Variants in LIMS2 observed in about 807,000 individuals in gnomAD.
The protein encoded by LIMS2 is LIM zinc finger domain containing 2.
LIMS2 carries 30 observed loss-of-function variants against 45.3 expected under a neutral mutation model. The ratio of observed to expected loss-of-function variants is 0.66; its 90% CI spans 0.50 to 0.90. LIMS2 has a LOEUF of 0.90. LIMS2 is among the 40% of genes least tolerant of loss of function. The probability of loss-of-function intolerance (pLI) is 0.00; values close to 1 mark genes in which losing one functional copy is unlikely to be tolerated. For missense variants in LIMS2, 485 were observed against 468.7 expected (o/e 1.03, Z -0.32); for synonymous variants, 173 against 188.0 (o/e 0.92, Z 0.65).
chr2:127,642,705 C>A lies in LIMS2; in HGVS notation c.509+218G>T, dbSNP rs999634579. On this transcript the variant is annotated intron_variant, in intron 5 of 9. Transcript: ENST00000355119. This position sits in a 1 kb window ranked among gnomAD's most constrained non-coding sequence, Gnocchi z 5.3. ...CCGCCTCCTGAGTCTCAAGTGCCCC[C>A]CAAACAGAGCCCTGGAGAGAGAAGC... 1 of 582,196 alleles carries A rather than the reference C, an allele frequency of 1.7e-6. No individual in the cohort carries two copies. Among genetic ancestry groups the A allele is most frequent in the Non-Finnish European group, 3.0e-6 (1 of 332,158 alleles). The allele number at this position is 582,196 out of a possible 1,614,324, so 36.1% of individuals were successfully genotyped here.
intron 4 of LIMS2, chr2:127,652,034 A>C (rs1573801744): frequency 2.2e-6 from 1 of 463,622 alleles, no homozygotes; most frequent in Non-Finnish European, 4.0e-6. Context: ...CGGAAGAACA[A>C]CCCCTGAACA....
intron 4 of LIMS2, chr2:127,643,679 T>G (rs1682663120): frequency 2.3e-6 from 1 of 442,200 alleles, no homozygotes; most frequent in African/African-American, 2.0e-5. Context: ...ACGACAGCTG[T>G]GTTCTCAACG....
chr2:127,640,301 G>A lies in LIMS2; in HGVS notation c.771C>T (p.Cys257=), dbSNP rs1253068911. 1 of 1,613,016 alleles carries A rather than the reference G, an allele frequency of 6.2e-7. No homozygotes were observed. The highest frequency in any genetic ancestry group is 2.2e-5 in the East Asian group (1 of 44,882). The change falls in exon 8 of 10, where the codon TGC becomes TGT. Residue 257 remains cysteine (C), a synonymous_variant. Transcript: ENST00000355119. ...CTTCAATCACATGGCTGCAGTTGTA[G>A]CAGACGTCCCCGAAGAGCTGTGGGC... ...THYNQLFGDV[C]YNCSHVIEGD... is the part of the protein sequence containing the mutation.
chr2:127,649,092 A>AAAAAAAG (rs1683378613), intron 4 of LIMS2, among the ~76,000 whole-genome samples: 1 of 143,288 alleles, frequency 7.0e-6, no homozygotes, highest in Non-Finnish European at 1.6e-5. Context: ...AGAAAAAAAG[A>AAAAAAAG]AAAAAGAAAA....
rs1683064803 is a variant in LIMS2 at position 127,647,030 on chromosome 2, G to A, written c.360-3958C>T. Among the ~76,000 whole-genome samples the A allele has an allele frequency of 6.6e-6, 1 of 152,122 alleles. No individual in the cohort carries two copies. Among genetic ancestry groups the A allele is most frequent in the Non-Finnish European group, 1.5e-5 (1 of 68,022 alleles). ...ACGCCCTTCGGCCCGGGCAGGAAGT[G>A]GAGGGCAGTGCCCAGGCTGAGGCCC... is the stretch of plus-strand genomic sequence containing the variant. On this transcript the variant is annotated intron_variant, in intron 4 of 9. Transcript: ENST00000355119. This position sits in a 1 kb window ranked among gnomAD's most constrained non-coding sequence, Gnocchi z 4.3.
chr2:127,643,618 G>A, intron 4 of LIMS2: 2 of 456,450 alleles, frequency 4.4e-6, no homozygotes, highest in Middle Eastern at 3.3e-4. Context: ...TCACTACAGA[G>A]TCTTTTTGTG....
chr2:127,673,164 G>T (rs1014663274), intron 1 of LIMS2, among the ~76,000 whole-genome samples: 1 of 152,190 alleles, frequency 6.6e-6, no homozygotes, highest in East Asian at 1.9e-4. Flanking sequence ...GAAGGAGCGG[G>T]TGCATTACAC....
chr2:127,664,496 G>C lies in LIMS2; in HGVS notation c.12-6934C>G. Reference sequence around the variant, plus strand: ...CCGCCTGGGGCCAGACACCAAGACGGGACGGGCGTGTGGGCGCCTCCCCCG... The same window carrying C: ...CCGCCTGGGGCCAGACACCAAGACGCGACGGGCGTGTGGGCGCCTCCCCCG... On this transcript the variant is annotated intron_variant, in intron 1 of 9. Transcript: ENST00000355119. This position sits in a 1 kb window ranked among gnomAD's most constrained non-coding sequence, Gnocchi z 5.5. The C allele has an allele frequency of 8.6e-7, 1 of 1,162,272 alleles. No individual in the cohort carries two copies. Among genetic ancestry groups the C allele is most frequent in the Non-Finnish European group, 1.1e-6 (1 of 943,584 alleles). 72.0% of individuals were successfully genotyped at this position (1,162,272 alleles called of 1,614,324 possible). A position where few individuals can be genotyped will look rare whatever the true frequency, so the allele number is the denominator to read the frequency against.
At chr2:127,639,553 C>G (rs1006810074) in intron 9 of LIMS2, 125 bp from the exon 10 acceptor site, 5 of 1,216,522 alleles carry the variant, frequency 4.1e-6, no homozygotes, top group African/African-American at 1.5e-5. Context: ...AGCCAGCAGG[C>G]CAGGCCCTAG....
At chr2:127,665,128 A>G (rs1018708357) in intron 1 of LIMS2, among the ~76,000 whole-genome samples, 4 of 152,266 alleles carry the variant, frequency 2.6e-5, no homozygotes, top group South Asian at 2.1e-4. Context: ...GTTACTTGTG[A>G]TTCATAAACA....
intron 1 of LIMS2, among the ~76,000 whole-genome samples, chr2:127,658,667 C>T (rs772364525): frequency 7.9e-5 from 12 of 152,222 alleles, no homozygotes; most frequent in South Asian, 2.1e-4. Flanking sequence ...ACTGCCTCTA[C>T]GACCTTCAAA....
intron 1 of LIMS2, among the ~76,000 whole-genome samples, chr2:127,668,697 A>AAAC (rs1685141941): frequency 2.3e-5 from 2 of 85,764 alleles, no homozygotes; most frequent in Non-Finnish European, 5.2e-5. Flanking sequence ...AAAAAAAAAA[A>AAAC]AAAAAAAAAA....
Position 127,638,952 on chromosome 2 carries a change from G to T in LIMS2, c.*329C>A. 1 of 315,398 alleles carries T rather than the reference G, an allele frequency of 3.2e-6. No homozygotes were observed. The highest frequency in any genetic ancestry group is 4.7e-5 in the Admixed American group (1 of 21,380). The allele number at this position is 315,398 out of a possible 1,614,324, so 19.5% of individuals were successfully genotyped here. A position where few individuals can be genotyped will look rare whatever the true frequency, so the allele number is the denominator to read the frequency against. ...CCACTGAGCCGCCTGGGGAGGGCCA[G>T]GCCAGGCGGGGAGCTGTGGTGCAAT... On this transcript the variant is annotated 3_prime_UTR_variant, in exon 10 of 10. Transcript: ENST00000355119.
At chr2:127,649,947 A>C (rs1186596539) in intron 4 of LIMS2, 132 of 1,351,348 alleles carry the variant, frequency 9.8e-5, no homozygotes, top group Non-Finnish European at 1.3e-4. Context: ...GAGAGAAAAT[A>C]CTCCCAGCTG....
intron 2 of LIMS2, 125 bp downstream of exon 2, chr2:127,657,278 G>T: frequency 9.0e-7 from 1 of 1,110,870 alleles, no homozygotes; most frequent in Non-Finnish European, 1.3e-6. Flanking sequence ...GCTCAAGCCT[G>T]GTTCTGGGCT....
rs752066748 is a variant in LIMS2 at position 127,639,337 on chromosome 2, A to ACAGCTTCTTCAG, written c.958_969dup (p.Leu320_Leu323dup). On this transcript the variant is annotated inframe_insertion, in exon 10 of 10. Transcript: ENST00000355119. Reference sequence around the variant, plus strand: ...TGGGCCTTGCGGGAGGTCAGCTCCGACAGCTTCTTCAGCCGCTTCTTCAGC... The same window carrying ACAGCTTCTTCAG: ...TGGGCCTTGCGGGAGGTCAGCTCCGACAGCTTCTTCAGCAGCTTCTTCAGCCGCTTCTTCAGC... The ACAGCTTCTTCAG allele has an allele frequency of 1.9e-5, 31 of 1,613,816 alleles. No homozygotes were observed. In the East Asian group the frequency reaches 6.5e-4, roughly 34 times the overall value.
At chr2:127,650,185 C>A (rs971697602) in intron 4 of LIMS2, 3 of 999,622 alleles carry the variant, frequency 3.0e-6, no homozygotes, top group East Asian at 2.6e-5. Flanking sequence ...AAGCAGAAAG[C>A]GGTGACACCC....
At chr2:127,657,719 A>C (rs1684358201) in intron 1 of LIMS2, among the ~76,000 whole-genome samples, 157 bp from the exon 2 acceptor site, 1 of 152,174 alleles carries the variant, frequency 6.6e-6, no homozygotes, top group Non-Finnish European at 1.5e-5. Context: ...CAGGCTGCTC[A>C]GTGCTTGTAG....
chr2:127,650,630 A>AT, intron 4 of LIMS2: 5 of 925,674 alleles, frequency 5.4e-6, no homozygotes, highest in Non-Finnish European at 8.3e-6. Context: ...TTCTGAAGGC[A>AT]TTGGAGGCCT....
Sources: allele counts gnomAD v4.1 joint callset (sites outside exome capture counted in the v4.1 genomes callset), GRCh38; gene constraint gnomAD v4.1.1; non-coding constraint Gnocchi (gnomAD v3.1); transcripts MANE v1.5; gene names NCBI Gene and HGNC (gene_info 2026-07-23, HGNC 2026-07-21).